MAN1A2: variants seen among roughly 807,000 people sequenced by gnomAD.
MAN1A2 encodes the protein mannosyl-oligosaccharide 1,2-alpha-mannosidase IB.
MAN1A2 carries 26 observed loss-of-function variants against 75.7 expected under a neutral mutation model. The observed-to-expected ratio is 0.34, with a 90% CI of 0.25 to 0.48. The LOEUF (loss-of-function observed/expected upper bound fraction) is 0.48, where lower values mean the gene tolerates loss of function less well. Among genes scored for constraint, MAN1A2 ranks in the 20% least tolerant of loss-of-function variants. The pLI is 0.99. For missense variants in MAN1A2, 562 were observed against 775.5 expected, an observed-to-expected ratio of 0.72 and a Z score of 3.27; for synonymous variants, 247 against 264.6, an observed-to-expected ratio of 0.93 and a Z score of 0.65.
intron 1 of MAN1A2, among the ~76,000 whole-genome samples, chr1:117,397,487 G>A (rs921096977): frequency 6.6e-6 from 1 of 152,044 alleles, no homozygotes; most frequent in African/African-American, 2.4e-5. Context: ...CTAACACGAA[G>A]TTAATAGCAA....
intron 9 of MAN1A2, among the ~76,000 whole-genome samples, chr1:117,495,640 T>C (rs1222262923): frequency 6.6e-6 from 1 of 151,870 alleles, no homozygotes; most frequent in Admixed American, 6.6e-5. Flanking sequence ...TGGATATCTT[T>C]TAATTGTAAT....
chr1:117,508,888 T>C (rs1433092281), intron 12 of MAN1A2, among the ~76,000 whole-genome samples: 1 of 151,744 alleles, frequency 6.6e-6, no homozygotes, highest in Non-Finnish European at 1.5e-5. Flanking sequence ...TTTTTGTCTC[T>C]GTAAATATTT....
intron 8 of MAN1A2, among the ~76,000 whole-genome samples, chr1:117,486,844 T>A (rs145319695): frequency 5.9e-5 from 9 of 152,142 alleles, no homozygotes; most frequent in African/African-American, 1.9e-4. Context: ...AAGATACTGA[T>A]CTTTAGTTTG....
chr1:117,379,351 C>T (rs549601569), intron 1 of MAN1A2, among the ~76,000 whole-genome samples: 1 of 151,996 alleles, frequency 6.6e-6, no homozygotes, highest in South Asian at 2.1e-4. Context: ...GAATAACGTG[C>T]CGTTTTGTTA....
chr1:117,399,807 A>G (rs1018172082), intron 1 of MAN1A2, among the ~76,000 whole-genome samples: 4 of 152,092 alleles, frequency 2.6e-5, no homozygotes, highest in African/African-American at 9.7e-5. Flanking sequence ...CCTTTTCTCA[A>G]CTGGCTCTGT....
intron 12 of MAN1A2, chr1:117,515,977 G>A (rs1651703107): frequency 6.6e-6 from 1 of 151,960 alleles, no homozygotes; most frequent in Non-Finnish European, 1.5e-5. Context: ...TGCTAAAAAG[G>A]GAATTATAAG....
chr1:117,520,394 G>GAT (rs1325357354), intron 12 of MAN1A2, among the ~76,000 whole-genome samples: 8 of 152,024 alleles, frequency 5.3e-5, no homozygotes, highest in African/African-American at 1.4e-4. Flanking sequence ...GTTTGCTGAT[G>GAT]ATATGATCAT....
chr1:117,422,785 T>A (rs1648239453), intron 5 of MAN1A2, among the ~76,000 whole-genome samples: 1 of 152,044 alleles, frequency 6.6e-6, no homozygotes, highest in African/African-American at 2.4e-5. Flanking sequence ...TATTAAATTG[T>A]GATAGTTCTT....
At chr1:117,383,817 G>A (rs186946365) in intron 1 of MAN1A2, among the ~76,000 whole-genome samples, 1 of 152,034 alleles carries the variant, frequency 6.6e-6, no homozygotes, top group Non-Finnish European at 1.5e-5. Flanking sequence ...ATTCACAGGT[G>A]TGATCATGGT....
At chr1:117,445,987 C>G (rs769512034) in intron 6 of MAN1A2, among the ~76,000 whole-genome samples, 49 of 144,484 alleles carry the variant, frequency 3.4e-4, no homozygotes, top group Non-Finnish European at 5.9e-4. Context: ...AAACATATAT[C>G]TTATATTCAG....
At chr1:117,397,771 C>T (rs1199429792) in intron 1 of MAN1A2, among the ~76,000 whole-genome samples, 1 of 151,334 alleles carries the variant, frequency 6.6e-6, no homozygotes, top group East Asian at 1.9e-4. Flanking sequence ...CCTGCCTCAG[C>T]CTCCTGAGTA....
chr1:117,479,075 T>C (rs908523192), intron 8 of MAN1A2, among the ~76,000 whole-genome samples: 4 of 151,766 alleles, frequency 2.6e-5, no homozygotes. Flanking sequence ...ATGCTCTCCC[T>C]CCCCCTATAC....
intron 8 of MAN1A2, among the ~76,000 whole-genome samples, chr1:117,469,495 A>G (rs1650080815): frequency 6.6e-6 from 1 of 152,104 alleles, no homozygotes; most frequent in African/African-American, 2.4e-5. Context: ...TTTGTGCATC[A>G]AAGCATACTA....
chr1:117,429,712 A>AC (rs1169227102), intron 5 of MAN1A2, among the ~76,000 whole-genome samples: 24 of 54,584 alleles, frequency 4.4e-4, no homozygotes, highest in East Asian at 3.7e-3. Context: ...AGGGGGGCTG[A>AC]CCCCCCCCAC....
At chr1:117,458,523 A>ATATATATATTTTTTTTTTTT (rs1553236643) in intron 6 of MAN1A2, among the ~76,000 whole-genome samples, 2 of 105,610 alleles carry the variant, frequency 1.9e-5, no homozygotes, top group Non-Finnish European at 2.0e-5. Flanking sequence ...ATATATATAT[A>ATATATATATTTTTTTTTTTT]TTTTTTTTTT....
chr1:117,442,035 T>C (rs1002620618), intron 5 of MAN1A2, among the ~76,000 whole-genome samples, 196 bp from the exon 6 acceptor site: 3 of 152,214 alleles, frequency 2.0e-5, no homozygotes. Context: ...TTTTGCATGG[T>C]TAGCTTTCCT....
intron 5 of MAN1A2, among the ~76,000 whole-genome samples, chr1:117,425,350 A>G (rs773641806): frequency 5.9e-5 from 9 of 152,216 alleles, no homozygotes; most frequent in Non-Finnish European, 1.2e-4. Context: ...AGCTCATTCT[A>G]TGAGGCCAGC....
Position 117,385,614 on chromosome 1 carries a change from G to C in MAN1A2, c.303-16572G>C, listed in dbSNP as rs114578944. On this transcript the variant is annotated intron_variant, in intron 1 of 12. Coordinates refer to ENST00000356554, the MANE Select transcript of MAN1A2 (RefSeq NM_006699.5). ...AAGAATTGAGGGGGTGGGGTGATGA[G>C]TTAAAGGCATGTGCTTAAATTTTAT... 4.6e-3 allele frequency among the ~76,000 whole-genome samples: 695 copies of C among 152,268 alleles called. 7 individuals carry two copies. The highest frequency in any genetic ancestry group is 0.016 in the African/African-American group (662 of 41,528).
intron 1 of MAN1A2, among the ~76,000 whole-genome samples, chr1:117,392,010 T>G (rs971792593): frequency 6.6e-6 from 1 of 152,140 alleles, no homozygotes; most frequent in South Asian, 2.1e-4. Context: ...CCCTTGTCAT[T>G]TTTTGCCTGG....
Sources: allele counts gnomAD v4.1 joint callset (sites outside exome capture counted in the v4.1 genomes callset), GRCh38; gene constraint gnomAD v4.1.1; transcripts MANE v1.5; gene names NCBI Gene and HGNC (gene_info 2026-07-23, HGNC 2026-07-21).